ABCC4: variants seen among roughly 807,000 people sequenced by gnomAD.
ABCC4 encodes the protein ATP-binding cassette sub-family C member 4.
Under a neutral mutation model 168.5 loss-of-function variants are expected in ABCC4, and 102 were observed. The ratio of observed to expected loss-of-function variants is 0.61; its 90% CI spans 0.52 to 0.71. ABCC4 has a LOEUF of 0.71. ABCC4 is among the 30% of genes least tolerant of loss of function. ABCC4 has a pLI of 0.00. For missense variants in ABCC4, 1,402 were observed against 1,605.8 expected (o/e 0.87, Z 2.17); for synonymous variants, 617 against 590.7 (o/e 1.04, Z -0.65).
chr13:95,048,611 A>G (rs1364938866), intron 27 of ABCC4, among the ~76,000 whole-genome samples: 1 of 152,208 alleles, frequency 6.6e-6, no homozygotes, highest in Admixed American at 6.5e-5. Flanking sequence ...TGGAGGTGCA[A>G]GGTGTGGGGA....
chr13:95,280,606 CCAGAAGT>C (rs1387822344), intron 1 of ABCC4, among the ~76,000 whole-genome samples: 7 of 149,626 alleles, frequency 4.7e-5, no homozygotes, highest in Non-Finnish European at 1.0e-4. Flanking sequence ...CATCCAATTC[CCAGAAGT>C]CAAAGGCAAT....
intron 19 of ABCC4, among the ~76,000 whole-genome samples, chr13:95,120,825 G>A (rs1407245447): frequency 6.6e-6 from 1 of 152,212 alleles, no homozygotes; most frequent in Non-Finnish European, 1.5e-5. Context: ...GTACAATGTG[G>A]TGCCACATGG....
chr13:95,070,819 A>G (rs958533096), intron 25 of ABCC4, among the ~76,000 whole-genome samples: 3 of 152,144 alleles, frequency 2.0e-5, no homozygotes, highest in African/African-American at 7.2e-5. Flanking sequence ...ACTGTTTCAG[A>G]AAGAAAGAGT....
chr13:95,217,786 C>T (rs1310312457), intron 4 of ABCC4, among the ~76,000 whole-genome samples: 2 of 152,116 alleles, frequency 1.3e-5, no homozygotes, highest in Non-Finnish European at 2.9e-5. Flanking sequence ...ATCACCTTCA[C>T]GATGCAAATT....
intron 1 of ABCC4, among the ~76,000 whole-genome samples, chr13:95,271,381 G>A (rs753538084): frequency 6.6e-6 from 1 of 152,198 alleles, no homozygotes; most frequent in Non-Finnish European, 1.5e-5. Context: ...GTCACTGCTG[G>A]CCTAGGAAGC....
At chr13:95,269,493 A>C (rs950491930) in intron 1 of ABCC4, 2 of 161,846 alleles carry the variant, frequency 1.2e-5, no homozygotes, top group African/African-American at 4.8e-5. Context: ...AAAGTAATAC[A>C]GACCACAAAG....
At chr13:95,270,628 C>A (rs547227593) in intron 1 of ABCC4, among the ~76,000 whole-genome samples, 1 of 152,164 alleles carries the variant, frequency 6.6e-6, no homozygotes, top group African/African-American at 2.4e-5. Context: ...CCAGGGCCCA[C>A]GCATGAGATC....
chr13:95,232,592 G>A (rs569207579), intron 4 of ABCC4, among the ~76,000 whole-genome samples: 36 of 151,710 alleles, frequency 2.4e-4, no homozygotes, highest in African/African-American at 7.3e-4. Context: ...CAGAAGAATC[G>A]CTTGAACCCG....
intron 4 of ABCC4, among the ~76,000 whole-genome samples, chr13:95,230,937 T>C (rs1252917335): frequency 1.3e-5 from 2 of 152,220 alleles, no homozygotes; most frequent in African/African-American, 4.8e-5. Context: ...AATAGTGGAA[T>C]ATTATTCACT....
rs775336450 is a variant in ABCC4 at position 95,034,742 on chromosome 13, G to A, written c.3736-3C>T. The A allele has an allele frequency of 3.1e-6, 5 of 1,613,860 alleles. No individual in the cohort carries two copies. In the Admixed American group the frequency reaches 8.3e-5, roughly 27 times the overall value. ...TTCAGTCTTCCTGAATCTAAAACCT[G>A]TTAATCAGCAGAAAGAAACCCATTG... is the stretch of plus-strand genomic sequence containing the variant. On this transcript the variant is annotated splice_polypyrimidine_tract_variant and splice_region_variant and intron_variant, in intron 29 of 30. Coordinates refer to ENST00000645237, the MANE Select transcript of ABCC4 (RefSeq NM_005845.5).
chr13:95,267,368 A>G (rs1271894872), intron 1 of ABCC4, among the ~76,000 whole-genome samples: 1 of 152,202 alleles, frequency 6.6e-6, no homozygotes, highest in Non-Finnish European at 1.5e-5. Flanking sequence ...GTCTGCCACC[A>G]TGTGAGATGT....
chr13:95,197,120 C>T (rs4148479), intron 8 of ABCC4, among the ~76,000 whole-genome samples: 9,128 of 152,188 alleles, frequency 0.06, 427 homozygotes, highest in East Asian at 0.18. Context: ...AGATGTGTCC[C>T]CCATCCTGCA....
intron 1 of ABCC4, among the ~76,000 whole-genome samples, chr13:95,283,366 T>G (rs1260512927): frequency 3.1e-4 from 5 of 16,374 alleles, no homozygotes; most frequent in Non-Finnish European, 7.8e-4. Context: ...CTGTGGTTTT[T>G]TTTTTTTTTT....
intron 26 of ABCC4, among the ~76,000 whole-genome samples, chr13:95,056,139 C>T (rs1373521392): frequency 6.6e-6 from 1 of 152,094 alleles, no homozygotes; most frequent in Non-Finnish European, 1.5e-5. Flanking sequence ...GAGTTACAAA[C>T]CAGCAGGACA....
chr13:95,261,155 T>C (rs2040522108), intron 1 of ABCC4, among the ~76,000 whole-genome samples: 2 of 151,980 alleles, frequency 1.3e-5, no homozygotes, highest in Non-Finnish European at 2.9e-5. Flanking sequence ...TACTCTGAAA[T>C]TACCTAGAAT....
At chr13:95,115,830 G>T in intron 20 of ABCC4, 92 bp downstream of exon 20, 2 of 990,168 alleles carry the variant, frequency 2.0e-6, no homozygotes, top group South Asian at 1.4e-5. Flanking sequence ...CAGCCAGGCC[G>T]AGAGTCCCAC....
intron 25 of ABCC4, among the ~76,000 whole-genome samples, chr13:95,071,087 T>TC (rs2033708656): frequency 7.7e-6 from 1 of 129,860 alleles, no homozygotes; most frequent in Non-Finnish European, 1.7e-5. Context: ...CAAACTCTCT[T>TC]TGCCTGCTGC....
intron 1 of ABCC4, among the ~76,000 whole-genome samples, chr13:95,257,493 A>T (rs1375991710): frequency 3.3e-5 from 5 of 152,076 alleles, no homozygotes; most frequent in Admixed American, 1.3e-4. Flanking sequence ...CAATGGTGAA[A>T]CCCTGTCTCT....
At chr13:95,271,867 C>T (rs960233385) in intron 1 of ABCC4, among the ~76,000 whole-genome samples, 6 of 152,164 alleles carry the variant, frequency 3.9e-5, no homozygotes, top group Admixed American at 2.0e-4. Flanking sequence ...ATCCAAAAAG[C>T]TCCTAACCAC....
Sources: gnomAD v4.1 joint callset for allele counts (sites outside exome capture counted in the v4.1 genomes callset) on GRCh38, gnomAD v4.1.1 for gene constraint, MANE v1.5 for transcripts, NCBI Gene and HGNC (gene_info 2026-07-23, HGNC 2026-07-21) for gene names.